The following ZNF503 variants were observed in gnomAD, a reference collection of about 807,000 sequenced individuals.
The protein encoded by ZNF503 is NocA-like zinc finger 2.
ZNF503 carries 15 observed loss-of-function variants against 34.4 expected under a neutral mutation model. The ratio of observed to expected loss-of-function variants is 0.44; its 90% CI spans 0.29 to 0.67. The LOEUF (loss-of-function observed/expected upper bound fraction) is 0.67. ZNF503 is among the 30% of genes least tolerant of loss of function. The pLI, the probability that ZNF503 is intolerant of heterozygous loss-of-function variation, is 0.13. For synonymous variants in ZNF503, 580 were observed against 456.8 expected, an observed-to-expected ratio of 1.27 and a Z score of -3.44; for missense variants, 1,007 against 926.8, an observed-to-expected ratio of 1.09 and a Z score of -1.12.
At position 75,398,052 on chromosome 10, in the gene ZNF503, G is replaced by A; in HGVS notation, c.*697C>T. The A allele has an allele frequency of 6.7e-6, 1 of 150,138 alleles. No homozygotes were observed. Among genetic ancestry groups the A allele is most frequent in the Non-Finnish European group, 1.5e-5 (1 of 67,668 alleles). The allele number at this position is 150,138 out of a possible 1,614,324, so 9.3% of individuals were successfully genotyped here. A position where few individuals can be genotyped will look rare whatever the true frequency, so the allele number is the denominator to read the frequency against. ...TTTTTTTTTTTGTTGTTTTCTTCCAGAATACATACAAAAAAATACCCATTC... is the reference window on the plus strand; with the variant it reads ...TTTTTTTTTTTGTTGTTTTCTTCCAAAATACATACAAAAAAATACCCATTC... On this transcript the variant is annotated 3_prime_UTR_variant, in exon 2 of 2. Transcript: ENST00000372524.
chr10:75,397,277 GAAGAA>G (rs1408224794), downstream of ZNF503, among the ~76,000 whole-genome samples: 1 of 152,190 alleles, frequency 6.6e-6, no homozygotes, highest in Admixed American at 6.5e-5. Context: ...GCAGCCAGAA[GAAGAA>G]AAGAGGACGC....
At chr10:75,319,155 A>G in the ZNF503 span, among the ~76,000 whole-genome samples, 1 of 152,062 alleles carries the variant, frequency 6.6e-6, no homozygotes, top group Non-Finnish European at 1.5e-5. Context: ...TTGTAGAGAC[A>G]GGGTTTTGCC....
the ZNF503 span, among the ~76,000 whole-genome samples, chr10:75,294,962 C>T: frequency 0.12 from 17,756 of 152,196 alleles, 1,347 homozygotes; most frequent in South Asian, 0.32. Context: ...CTGTCAGCAC[C>T]GCGGACCCAG....
chr10:75,341,560 G>T, the ZNF503 span, among the ~76,000 whole-genome samples: 1 of 152,036 alleles, frequency 6.6e-6, no homozygotes, highest in South Asian at 2.1e-4. Flanking sequence ...ATTACTTGTG[G>T]GTTGGCTGAG....
chr10:75,379,553 G>A, the ZNF503 span, among the ~76,000 whole-genome samples: 855 of 152,306 alleles, frequency 5.6e-3, 14 homozygotes, highest in African/African-American at 0.02. Flanking sequence ...TCACGTTGCT[G>A]GGATGGATTT....
At chr10:75,394,046 G>A (rs557336654), downstream of ZNF503, among the ~76,000 whole-genome samples, 1 of 152,326 alleles carries the variant, frequency 6.6e-6, no homozygotes, top group South Asian at 2.1e-4. Flanking sequence ...GGCAAGAGCA[G>A]CCAAGGTGAG....
the ZNF503 span, among the ~76,000 whole-genome samples, chr10:75,382,044 A>C: frequency 6.6e-6 from 1 of 151,846 alleles, no homozygotes; most frequent in Non-Finnish European, 1.5e-5. Context: ...TCTTGACCTC[A>C]AGTGATCCAC....
the ZNF503 span, among the ~76,000 whole-genome samples, chr10:75,364,229 G>T: frequency 6.6e-6 from 1 of 152,080 alleles, no homozygotes; most frequent in Non-Finnish European, 1.5e-5. Context: ...GAAAGCTGTG[G>T]GTCTGATGGA....
the ZNF503 span, chr10:75,361,761 G>A: frequency 1.3e-5 from 2 of 152,116 alleles, no homozygotes; most frequent in Non-Finnish European, 2.9e-5. Context: ...ATTTCTTGAT[G>A]CCCCCATAAA....
rs1843822811 is a variant in ZNF503 at position 75,401,519 on chromosome 10, G to A, written c.-100C>T. On this transcript the variant is annotated 5_prime_UTR_variant, in exon 1 of 2. Transcript: ENST00000372524. ...CGCCCCGGGAGCAGGAGCAGCGGGA[G>A]GAGGAGGAGCTGGCGCGGCGGCCAC... 2 of 1,411,484 alleles carry A rather than the reference G, an allele frequency of 1.4e-6. No homozygotes were observed. The highest frequency in any genetic ancestry group is 2.9e-5 in the East Asian group (1 of 34,254). The allele number at this position is 1,411,484 out of a possible 1,614,324, so 87.4% of individuals were successfully genotyped here. A position where few individuals can be genotyped will look rare whatever the true frequency, so the allele number is the denominator to read the frequency against.
the ZNF503 span, among the ~76,000 whole-genome samples, chr10:75,315,454 T>C: frequency 6.6e-6 from 1 of 152,176 alleles, no homozygotes; most frequent in African/African-American, 2.4e-5. Context: ...ACTTAAAATA[T>C]AGGGGTTGGA....
chr10:75,360,264 G>A, the ZNF503 span, among the ~76,000 whole-genome samples: 5 of 150,754 alleles, frequency 3.3e-5, no homozygotes, highest in South Asian at 4.2e-4. Flanking sequence ...GGGACTACAG[G>A]CGCCCGCCAC....
chr10:75,351,515 T>A, the ZNF503 span, among the ~76,000 whole-genome samples: 3 of 152,100 alleles, frequency 2.0e-5, no homozygotes, highest in African/African-American at 4.8e-5. Context: ...ATGCACATGG[T>A]CCCTCACTGG....
chr10:75,378,852 C>T, the ZNF503 span, among the ~76,000 whole-genome samples: 2 of 152,150 alleles, frequency 1.3e-5, no homozygotes, highest in East Asian at 3.9e-4. Flanking sequence ...ATTTTGGGGG[C>T]AATTTATTCT....
chr10:75,336,411 C>A, the ZNF503 span, among the ~76,000 whole-genome samples: 8 of 149,346 alleles, frequency 5.4e-5, no homozygotes, highest in African/African-American at 2.0e-4. Context: ...TGAAAATTCC[C>A]AAAACTGATT....
chr10:75,358,138 A>G, the ZNF503 span: 1 of 152,290 alleles, frequency 6.6e-6, no homozygotes, highest in Non-Finnish European at 1.5e-5. Flanking sequence ...CTCTAAGGGA[A>G]TCCTGGTTCC....
At chr10:75,372,023 G>A in the ZNF503 span, among the ~76,000 whole-genome samples, 1 of 152,174 alleles carries the variant, frequency 6.6e-6, no homozygotes, top group Non-Finnish European at 1.5e-5. Context: ...TCCGCCTTCT[G>A]GGTTCAAGCC....
the ZNF503 span, among the ~76,000 whole-genome samples, chr10:75,371,439 T>TTCTC: frequency 6.6e-6 from 1 of 151,640 alleles, no homozygotes. Context: ...TCTCTACCTC[T>TTCTC]TCTCTCTCTC....
the ZNF503 span, among the ~76,000 whole-genome samples, chr10:75,388,360 C>G: frequency 6.6e-6 from 1 of 152,174 alleles, no homozygotes; most frequent in Non-Finnish European, 1.5e-5. Flanking sequence ...CATAACATCA[C>G]TGAGTGAGGA....
Sources: allele counts gnomAD v4.1 joint callset (sites outside exome capture counted in the v4.1 genomes callset), GRCh38; gene constraint gnomAD v4.1.1; transcripts MANE v1.5; gene names NCBI Gene and HGNC (gene_info 2026-07-23, HGNC 2026-07-21).